The following CMTM8 variants were observed in gnomAD, a reference collection of about 807,000 sequenced individuals.
CMTM8 encodes CKLF like MARVEL transmembrane domain containing 8, also known as CKLF-like MARVEL transmembrane domain-containing protein 8.
CMTM8 carries 12 observed loss-of-function variants against 18.6 expected under a neutral mutation model. The observed-to-expected ratio is 0.65, with a 90% confidence interval of 0.41 to 1.05. The LOEUF (loss-of-function observed/expected upper bound fraction) is 1.05, where lower values mean the gene tolerates loss of function less well. CMTM8 is among the 50% of genes least tolerant of loss of function. The probability of loss-of-function intolerance (pLI) is 0.00; values close to 1 mark genes in which losing one functional copy is unlikely to be tolerated. For synonymous variants in CMTM8, 87 were observed against 90.6 expected, an observed-to-expected ratio of 0.96 and a Z score of 0.23; for missense variants, 217 against 227.2, an observed-to-expected ratio of 0.95 and a Z score of 0.29.
rs528549175 is a variant in CMTM8, at chr3:32,251,712, A to T, written c.147+12593A>T. The stretch of plus-strand genomic sequence containing the variant: ...GTTATCTTCCTTTAGCCTTCTGGGC[A>T]TTACTTAGCTAAACAGGGCTTCCCA... On this transcript the variant is annotated intron_variant, in intron 1 of 3. Coordinates refer to ENST00000307526, the MANE Select transcript of CMTM8 (RefSeq NM_178868.5). Among the ~76,000 whole-genome samples, 6 of 152,240 alleles carry T rather than the reference A, an allele frequency of 3.9e-5. No individual in the cohort carries two copies. The South Asian group carries it at 1.2e-3, about 32-fold the overall frequency.
chr3:32,305,423 G>C (rs1385413555), intron 1 of CMTM8, among the ~76,000 whole-genome samples: 1 of 151,990 alleles, frequency 6.6e-6, no homozygotes, highest in East Asian at 1.9e-4. Context: ...TGGCAAGGTT[G>C]GAAAAACTGC....
rs770451343 is a variant in CMTM8, at chr3:32,369,951, C to A, written c.506C>A (p.Ser169Tyr). The A allele has an allele frequency of 1.1e-5, 18 of 1,599,378 alleles. No homozygotes were observed. The Middle Eastern group carries it at 6.6e-4, about 59-fold the overall frequency. The change falls in exon 4 of 4, where the codon TCC (serine) becomes TAC (tyrosine). Residue 169 changes from serine (S) to tyrosine (Y), a missense_variant. Ser to Tyr is a moderately radical substitution (Grantham distance 144). Transcript: ENST00000307526. ...TATTTCAGTTTTATAGCATGGAGAT[C>A]CAGGACCATACAGTGATTTACCATT... The part of the protein sequence containing the change: ...NTYFSFIAWR[S>Y]RTIQ
intron 1 of CMTM8, among the ~76,000 whole-genome samples, chr3:32,304,858 G>T (rs1397398399): frequency 6.6e-6 from 1 of 152,252 alleles, no homozygotes; most frequent in Non-Finnish European, 1.5e-5. Context: ...TAAGGAGACA[G>T]ATTTAAACTT....
At position 32,291,861 on chromosome 3, in the gene CMTM8, A is replaced by T. The variant is rs186877748; in HGVS notation, c.147+52742A>T. 1.5e-3 allele frequency among the ~76,000 whole-genome samples: 223 copies of T among 152,244 alleles called. 1 individual carries two copies. The highest frequency in any genetic ancestry group is 5.1e-3 in the African/African-American group (213 of 41,562). ...CCTAGTTCCTAGAATGTATGATTAG[A>T]GGGGGAGTCCTTTCCTGCCACTCTG... is the stretch of plus-strand genomic sequence containing the variant. On this transcript the variant is annotated intron_variant, in intron 1 of 3. Coordinates refer to ENST00000307526, the MANE Select transcript of CMTM8 (RefSeq NM_178868.5).
At chr3:32,326,577 C>T (rs187168096) in intron 1 of CMTM8, among the ~76,000 whole-genome samples, 2 of 143,610 alleles carry the variant, frequency 1.4e-5, no homozygotes, top group South Asian at 2.2e-4. Context: ...AGTGCAGTGG[C>T]GTGATCTTGG....
intron 3 of CMTM8, among the ~76,000 whole-genome samples, 180 bp downstream of exon 3, chr3:32,368,168 G>C (rs555610455): frequency 6.6e-6 from 1 of 152,192 alleles, no homozygotes; most frequent in Non-Finnish European, 1.5e-5. Flanking sequence ...CTCCTGGCCC[G>C]AAGTGGGAAA....
At chr3:32,291,805 A>G (rs1702783227) in intron 1 of CMTM8, among the ~76,000 whole-genome samples, 1 of 152,214 alleles carries the variant, frequency 6.6e-6, no homozygotes, top group African/African-American at 2.4e-5. Context: ...TAGGTACTGT[A>G]TGGCTGGGTC....
At chr3:32,311,557 G>A (rs377636150) in intron 1 of CMTM8, among the ~76,000 whole-genome samples, 110 of 152,240 alleles carry the variant, frequency 7.2e-4, no homozygotes, top group Non-Finnish European at 1.3e-3. Flanking sequence ...GGCTCATCTC[G>A]TAATCCAGGA....
At chr3:32,297,332 C>T (rs1432903030) in intron 1 of CMTM8, among the ~76,000 whole-genome samples, 1 of 152,176 alleles carries the variant, frequency 6.6e-6, no homozygotes, top group African/African-American at 2.4e-5. Context: ...GCGCCCGCCA[C>T]TGCACCCAGC....
At chr3:32,297,783 G>A (rs1047211275) in intron 1 of CMTM8, among the ~76,000 whole-genome samples, 2 of 152,014 alleles carry the variant, frequency 1.3e-5, no homozygotes, top group African/African-American at 2.4e-5. Flanking sequence ...TTAAACTCAG[G>A]GGGATTTGGC....
chr3:32,249,030 C>CTTTTTTTTT lies in CMTM8; in HGVS notation c.147+9931_147+9939dup, dbSNP rs58156524. Among the ~76,000 whole-genome samples the CTTTTTTTTT allele has an allele frequency of 3.4e-4, 21 of 62,458 alleles. 3 individuals are homozygous for CTTTTTTTTT. The highest frequency in any genetic ancestry group is 5.5e-4 in the African/African-American group (8 of 14,620). The allele number at this position is 62,458 out of a possible 152,430, so 41.0% of individuals were successfully genotyped here. On this transcript the variant is annotated intron_variant, in intron 1 of 3. Coordinates refer to ENST00000307526, the MANE Select transcript of CMTM8 (RefSeq NM_178868.5). ...ATGGAGTTACTGGGTAATGTGGAAT[C>CTTTTTTTTT]TTTTTTTTTTTTTTTTTTTTTTTTT...
At chr3:32,325,506 G>T (rs917962216) in intron 1 of CMTM8, among the ~76,000 whole-genome samples, 1 of 152,068 alleles carries the variant, frequency 6.6e-6, no homozygotes. Flanking sequence ...AACAACTCTT[G>T]TTTCTGTAAG....
Position 32,261,169 on chromosome 3 carries a change from C to CA in CMTM8, c.147+22064dup, listed in dbSNP as rs57748918. 7.1e-3 allele frequency among the ~76,000 whole-genome samples: 914 copies of CA among 128,342 alleles called. 6 individuals are homozygous for CA. The highest frequency in any genetic ancestry group is 0.025 in the African/African-American group (835 of 33,044). 84.2% of individuals were successfully genotyped at this position (128,342 alleles called of 152,430 possible). The stretch of plus-strand genomic sequence containing the variant: ...CGACAGAGTGAGACTGTGTCCATCT[C>CA]AAAAAAAAAAAAAAGAATAAAAACT... On this transcript the variant is annotated intron_variant, in intron 1 of 3. Coordinates refer to ENST00000307526, the MANE Select transcript of CMTM8 (RefSeq NM_178868.5).
At chr3:32,366,416 C>G (rs1266473889) in intron 2 of CMTM8, among the ~76,000 whole-genome samples, 1 of 152,188 alleles carries the variant, frequency 6.6e-6, no homozygotes, top group African/African-American at 2.4e-5. Context: ...GGCTCGTGCA[C>G]AAGGCCCAGG....
chr3:32,349,365 C>T (rs1399560223), intron 1 of CMTM8, among the ~76,000 whole-genome samples: 1 of 151,780 alleles, frequency 6.6e-6, no homozygotes, highest in African/African-American at 2.4e-5. Context: ...ACCTGGCTGC[C>T]AGTATTCTTA....
At chr3:32,307,617 G>A (rs1224753567) in intron 1 of CMTM8, among the ~76,000 whole-genome samples, 1 of 152,172 alleles carries the variant, frequency 6.6e-6, no homozygotes. Flanking sequence ...AAGAGAAGTC[G>A]AGGTTAAAGA....
At chr3:32,271,458 T>C (rs1238055183) in intron 1 of CMTM8, among the ~76,000 whole-genome samples, 1 of 152,208 alleles carries the variant, frequency 6.6e-6, no homozygotes, top group Non-Finnish European at 1.5e-5. Flanking sequence ...TTTCCATATA[T>C]TGTTTACCTT....
At chr3:32,287,332 G>A (rs1702705383) in intron 1 of CMTM8, among the ~76,000 whole-genome samples, 1 of 152,128 alleles carries the variant, frequency 6.6e-6, no homozygotes, top group South Asian at 2.1e-4. Context: ...GAATTAAAAT[G>A]TTACAGAGTC....
intron 1 of CMTM8, among the ~76,000 whole-genome samples, chr3:32,336,468 T>C (rs1381868228): frequency 2.0e-5 from 3 of 152,248 alleles, no homozygotes; most frequent in African/African-American, 7.2e-5. Context: ...CCAGCAGCTT[T>C]GCAGAACATG....
Sources: allele counts gnomAD v4.1 joint callset (sites outside exome capture counted in the v4.1 genomes callset), GRCh38; gene constraint gnomAD v4.1.1; transcripts MANE v1.5; gene names NCBI Gene and HGNC (gene_info 2026-07-23, HGNC 2026-07-21).